The following EPM2A variants were observed in gnomAD, a reference collection of about 807,000 sequenced individuals.
EPM2A encodes the protein laforin.
A neutral mutation model predicts 26.5 loss-of-function variants in EPM2A; 21 were observed. That is an observed-to-expected ratio of 0.79 (90% CI 0.56 to 1.14). EPM2A has a LOEUF of 1.14. Ranked by LOEUF, EPM2A falls within the 50% of genes most tolerant of loss-of-function variation. The pLI, the probability that EPM2A is intolerant of heterozygous loss-of-function variation, is 0.00. For synonymous variants in EPM2A, 217 were observed against 177.6 expected (o/e 1.22, Z -1.76); for missense variants, 458 against 440.8 (o/e 1.04, Z -0.35).
At chr6:145,516,143 C>T (rs1780123302) in intron 2 of EPM2A, among the ~76,000 whole-genome samples, 1 of 152,142 alleles carries the variant, frequency 6.6e-6, no homozygotes, top group Non-Finnish European at 1.5e-5. Flanking sequence ...CCATGAAAGA[C>T]TTGCAAGATG....
Position 145,495,785 on chromosome 6 carries a change from C to T in EPM2A, c.555+6737G>A, listed in dbSNP as rs545044146. Among the ~76,000 whole-genome samples, 39 of 152,208 alleles carry T rather than the reference C, an allele frequency of 2.6e-4. No individual in the cohort carries two copies. The East Asian group carries it at 7.0e-3, about 27-fold the overall frequency. The stretch of plus-strand genomic sequence containing the variant: ...AGAGATGGGGTTTCACCATATTGGC[C>T]GGGTTGGACAGGAACTCCTGACCTC... On this transcript the variant is annotated intron_variant, in intron 4 of 4. Transcript: ENST00000638717.
intron 4 of EPM2A, among the ~76,000 whole-genome samples, chr6:145,467,956 T>TG (rs1779421574): frequency 6.6e-6 from 1 of 152,104 alleles, no homozygotes; most frequent in South Asian, 2.1e-4. Context: ...ATAGTTTTTT[T>TG]CAGTTTATTT....
rs569903807 is a variant in EPM2A at position 145,507,181 on chromosome 6, A to G, written c.341-4606T>C. 2.6e-5 allele frequency among the ~76,000 whole-genome samples: 4 copies of G among 152,346 alleles called. No individual in the cohort carries two copies. The South Asian group carries it at 8.3e-4, about 32-fold the overall frequency. ...TTTTTATTTCACCTTGGTTATCTCAATTCAATTTTTTTAAAAGAAAGAAAA... is the reference window on the plus strand; with the variant it reads ...TTTTTATTTCACCTTGGTTATCTCAGTTCAATTTTTTTAAAAGAAAGAAAA... On this transcript the variant is annotated intron_variant, in intron 2 of 3. Coordinates refer to the EPM2A transcript ENST00000450221.
At chr6:145,699,174 T>G (rs1298145948) in intron 1 of EPM2A, among the ~76,000 whole-genome samples, 1 of 152,180 alleles carries the variant, frequency 6.6e-6, no homozygotes, top group African/African-American at 2.4e-5. Context: ...AAATGAAGTT[T>G]AAAACATGAT....
intron 2 of EPM2A, chr6:145,640,417 A>G (rs1251391963): frequency 6.6e-6 from 1 of 152,252 alleles, no homozygotes; most frequent in Non-Finnish European, 1.5e-5. Flanking sequence ...AACCACAGGA[A>G]TAATGGAACC....
At chr6:145,634,834 C>T (rs1417854670) in intron 3 of EPM2A, among the ~76,000 whole-genome samples, 2 of 152,144 alleles carry the variant, frequency 1.3e-5, no homozygotes, top group Non-Finnish European at 2.9e-5. Flanking sequence ...ATTACCTGTA[C>T]ATAATCTCAT....
intron 1 of EPM2A, among the ~76,000 whole-genome samples, chr6:145,715,103 G>A (rs1042522882): frequency 4.6e-5 from 7 of 151,134 alleles, no homozygotes; most frequent in East Asian, 1.9e-4. Context: ...ATTATTTGTT[G>A]TCAAGCATTT....
chr6:145,729,204 C>T (rs1776359781), intron 1 of EPM2A, among the ~76,000 whole-genome samples: 2 of 152,338 alleles, frequency 1.3e-5, no homozygotes, highest in South Asian at 4.1e-4. Flanking sequence ...GTGAGAACCT[C>T]TACTAAGGCA....
At chr6:145,650,351 G>A (rs1777794936) in intron 2 of EPM2A, among the ~76,000 whole-genome samples, 1 of 152,118 alleles carries the variant, frequency 6.6e-6, no homozygotes, top group African/African-American at 2.4e-5. Context: ...AGGAGTTCAA[G>A]ACCAGCCTGG....
chr6:145,597,567 G>A (rs919207957), intron 2 of EPM2A, among the ~76,000 whole-genome samples: 5 of 151,050 alleles, frequency 3.3e-5, no homozygotes, highest in Admixed American at 1.3e-4. Flanking sequence ...CATAATCAGT[G>A]GGCTTCTTGT....
chr6:145,546,990 T>A (rs1009019957), intron 2 of EPM2A, among the ~76,000 whole-genome samples: 1 of 152,148 alleles, frequency 6.6e-6, no homozygotes, highest in African/African-American at 2.4e-5. Context: ...ATTTCTACTT[T>A]GCAAGGCTAA....
intron 2 of EPM2A, among the ~76,000 whole-genome samples, chr6:145,542,698 T>C (rs1780529758): frequency 2.6e-5 from 4 of 152,190 alleles, no homozygotes; most frequent in Admixed American, 2.6e-4. Flanking sequence ...TAGTCTATGA[T>C]ACTTGGCTTT....
At chr6:145,696,069 TC>T (rs1465863780) in intron 1 of EPM2A, among the ~76,000 whole-genome samples, 2 of 152,064 alleles carry the variant, frequency 1.3e-5, no homozygotes, top group Non-Finnish European at 2.9e-5. Flanking sequence ...TGAAATCATA[TC>T]CAGTATTGTT....
downstream of EPM2A, among the ~76,000 whole-genome samples, chr6:145,621,703 G>A (rs139125244): frequency 1.3e-5 from 2 of 151,932 alleles, no homozygotes; most frequent in African/African-American, 4.8e-5. Flanking sequence ...ATGATGCTGA[G>A]CACCTTTTCA....
intron 2 of EPM2A, among the ~76,000 whole-genome samples, chr6:145,528,587 C>T (rs994837092): frequency 1.3e-5 from 2 of 152,042 alleles, no homozygotes; most frequent in Non-Finnish European, 2.9e-5. Flanking sequence ...GCTGTGGAGA[C>T]CTACTGCTCA....
chr6:145,667,287 G>T (rs1389518551), intron 2 of EPM2A, among the ~76,000 whole-genome samples: 9 of 137,186 alleles, frequency 6.6e-5, no homozygotes, highest in African/African-American at 2.8e-4. Context: ...CTAATATCCA[G>T]AATCTACAAT....
At chr6:145,733,390 G>A (rs1776608821) in intron 1 of EPM2A, among the ~76,000 whole-genome samples, 1 of 152,004 alleles carries the variant, frequency 6.6e-6, no homozygotes, top group Admixed American at 6.5e-5. Context: ...TTAATTTTAT[G>A]AGCATCCAGT....
intron 2 of EPM2A, among the ~76,000 whole-genome samples, chr6:145,678,689 AC>A (rs1198178509): frequency 1.3e-5 from 2 of 152,174 alleles, no homozygotes; most frequent in African/African-American, 4.8e-5. Context: ...ACAAATCAAA[AC>A]CACAATGAGA....
intron 2 of EPM2A, among the ~76,000 whole-genome samples, chr6:145,535,303 A>G (rs2114787993): frequency 6.6e-6 from 1 of 152,334 alleles, no homozygotes; most frequent in Non-Finnish European, 1.5e-5. Context: ...AAGTGAATAC[A>G]ATTCAAGGTG....
Sources: allele counts gnomAD v4.1 joint callset (sites outside exome capture counted in the v4.1 genomes callset), GRCh38; gene constraint gnomAD v4.1.1; transcripts MANE v1.5; gene names NCBI Gene and HGNC (gene_info 2026-07-23, HGNC 2026-07-21).